The following ZFYVE19 variants were observed in gnomAD, a reference collection of about 807,000 sequenced individuals.
ZFYVE19 encodes abscission/NoCut checkpoint regulator.
Under a neutral mutation model 62.8 loss-of-function variants are expected in ZFYVE19, and 49 were observed. The observed-to-expected ratio is 0.78, with a 90% CI of 0.62 to 0.99. ZFYVE19 has a LOEUF of 0.99. Ranked by LOEUF, ZFYVE19 falls within the 50% of genes least tolerant of loss-of-function variation. ZFYVE19 has a pLI of 0.00. For missense variants in ZFYVE19, 630 were observed against 601.9 expected (o/e 1.05, Z -0.49); for synonymous variants, 242 against 234.3 (o/e 1.03, Z -0.30).
chr15:40,809,518 A>G, intron 3 of ZFYVE19, 60 bp downstream of exon 3: 6 of 1,581,170 alleles, frequency 3.8e-6, no homozygotes, highest in Non-Finnish European at 5.2e-6. Context: ...AGCCATAGGG[A>G]AAGACCCTGC....
In ZFYVE19 at chr15:40,807,139, G is replaced by C; in HGVS notation, c.-451G>C. 9.2e-7 allele frequency: 1 copy of C among 1,088,242 alleles called. No individual in the cohort carries two copies. The highest frequency in any genetic ancestry group is 1.3e-6 in the Non-Finnish European group (1 of 781,006). The allele number at this position is 1,088,242 out of a possible 1,614,324, so 67.4% of individuals were successfully genotyped here. Reference sequence around the variant, plus strand: ...CTCTAGGAGACAGGGGCCACGGGGAGAGCACAGCCACCCGGCGCGAAGAGC... The same window carrying C: ...CTCTAGGAGACAGGGGCCACGGGGACAGCACAGCCACCCGGCGCGAAGAGC... On this transcript the variant is annotated 5_prime_UTR_variant, in exon 1 of 11. Transcript: ENST00000355341.
chr15:40,812,469 C>G (rs1890517151), intron 6 of ZFYVE19, among the ~76,000 whole-genome samples: 1 of 151,050 alleles, frequency 6.6e-6, no homozygotes, highest in Non-Finnish European at 1.5e-5. Context: ...TCGCTTGAAT[C>G]CAGGAGGCAG....
rs1259014461 is a variant in ZFYVE19 at position 40,807,879 on chromosome 15, C to T, written c.279+11C>T. 3 of 1,536,484 alleles carry T rather than the reference C, an allele frequency of 2.0e-6. No individual in the cohort carries two copies. Among genetic ancestry groups the T allele is most frequent in the Non-Finnish European group, 2.6e-6 (3 of 1,149,752 alleles). On this transcript the variant is annotated intron_variant, in intron 1 of 10. Transcript: ENST00000355341. ...CTCTTCAAGAAGGAGGCGAGTCTTC[C>T]CTCCCCGAGGGCTGCAGGGCCAGGG...
At chr15:40,810,367 T>C in intron 5 of ZFYVE19, 151 bp downstream of exon 5, 2 of 1,357,232 alleles carry the variant, frequency 1.5e-6, no homozygotes, top group Non-Finnish European at 2.0e-6. Flanking sequence ...CACCAACCTT[T>C]GTACTTTATG....
chr15:40,813,579 G>A, intron 8 of ZFYVE19, 134 bp from the exon 9 acceptor site: 3 of 1,144,734 alleles, frequency 2.6e-6, no homozygotes, highest in Non-Finnish European at 2.5e-6. Flanking sequence ...TGGAGATAGG[G>A]AATCAGCAGC....
chr15:40,814,106 A>C, intron 10 of ZFYVE19, 36 bp downstream of exon 10: 1 of 1,614,196 alleles, frequency 6.2e-7, no homozygotes, highest in Non-Finnish European at 8.5e-7. Flanking sequence ...CGAGAGCTCA[A>C]GGGCTGCCTG....
In ZFYVE19 at chr15:40,807,111, G is replaced by C; in HGVS notation, c.-479G>C. The C allele has an allele frequency of 1.2e-6, 1 of 812,662 alleles. No homozygotes were observed. The highest frequency in any genetic ancestry group is 1.9e-6 in the Non-Finnish European group (1 of 533,902). 50.3% of individuals were successfully genotyped at this position (812,662 alleles called of 1,614,324 possible). A position where few individuals can be genotyped will look rare whatever the true frequency, so the allele number is the denominator to read the frequency against. ...AGCGTTCCTTGCTGCCTCGCCCCGC[G>C]GCCTCTAGGAGACAGGGGCCACGGG... On this transcript the variant is annotated 5_prime_UTR_variant, in exon 1 of 11. Transcript: ENST00000355341.
chr15:40,809,802 C>T (rs1238408282), intron 3 of ZFYVE19, 50 bp from the exon 4 acceptor site: 57 of 1,583,800 alleles, frequency 3.6e-5, no homozygotes, highest in Non-Finnish European at 4.8e-5. Flanking sequence ...TGGGTGCCTT[C>T]ACTCTTCCCC....
In ZFYVE19 at chr15:40,807,639, G is replaced by A. The variant is rs756825961; in HGVS notation, c.50G>A (p.Gly17Asp). ...CCGTTGCCGCCGCTGCCGTACGCTG[G>A]CTGCAGGAGAGCGTCCGGATTCCCT... ...QPPLPPLPYA[G>D]CRRASGFPAL... Residue 17 changes from glycine (G) to aspartate (D), a missense_variant, in exon 1 of 11, where the codon GGC becomes GAC. By Grantham distance (94) the Gly-to-Asp change is moderately conservative. Coordinates refer to ENST00000355341, the MANE Select transcript of ZFYVE19 (RefSeq NM_001077268.2). The A allele has an allele frequency of 6.2e-7, 1 of 1,613,080 alleles. No homozygotes were observed. The highest frequency in any genetic ancestry group is 2.2e-5 in the East Asian group (1 of 44,878).
chr15:40,807,297 A>G lies in ZFYVE19; in HGVS notation c.-293A>G. 1 of 1,613,164 alleles carries G rather than the reference A, an allele frequency of 6.2e-7. No individual in the cohort carries two copies. The highest frequency in any genetic ancestry group is 2.2e-5 in the East Asian group (1 of 44,870). On this transcript the variant is annotated 5_prime_UTR_variant, in exon 1 of 11. Transcript: ENST00000355341. ...ATGAACCTGGAGAGCGGATGCCAGC[A>G]GTGGCCGAGGCGCTAGGACAGGAAG... is the stretch of plus-strand genomic sequence containing the variant.
At chr15:40,808,296 C>T in intron 1 of ZFYVE19, 6 of 1,597,814 alleles carry the variant, frequency 3.8e-6, no homozygotes, top group Non-Finnish European at 5.1e-6. Flanking sequence ...TACCACACTT[C>T]CTCCTGCTTC....
chr15:40,811,720 C>A lies in ZFYVE19; in HGVS notation c.826+963C>A, dbSNP rs201956159. 1.1e-4 allele frequency among the ~76,000 whole-genome samples: 17 copies of A among 152,250 alleles called. No homozygotes were observed. In the East Asian group the frequency reaches 2.9e-3, roughly 26 times the overall value. On this transcript the variant is annotated intron_variant, in intron 6 of 10. Coordinates refer to ENST00000355341, the MANE Select transcript of ZFYVE19 (RefSeq NM_001077268.2). ...GCAAGACTCTGTTTAAAAAAAAAAT[C>A]TTATAAGGTACATACTATTCTTTTT...
rs1208682182 is a variant in ZFYVE19, at chr15:40,807,806, G to C, written c.217G>C (p.Gly73Arg). Residue 73 changes from glycine to arginine, a missense_variant, in exon 1 of 11, where the codon GGA (glycine) becomes CGA (arginine). By Grantham distance (125) the Gly-to-Arg change is moderately radical. Coordinates refer to ENST00000355341, the MANE Select transcript of ZFYVE19 (RefSeq NM_001077268.2). ...CAGCTCTGCAGACCCTGCGGTGCTG[G>C]GAGCCACCATGGAGAGTAGGTGCTA... ...DLSSADPAVL[G>R]ATMESRCYGC... 1.9e-6 allele frequency: 3 copies of C among 1,555,392 alleles called. No homozygotes were observed. Among genetic ancestry groups the C allele is most frequent in the Non-Finnish European group, 2.6e-6 (3 of 1,156,836 alleles).
chr15:40,807,294 A>G lies in ZFYVE19; in HGVS notation c.-296A>G, dbSNP rs1890268529. ...CGAATGAACCTGGAGAGCGGATGCC[A>G]GCAGTGGCCGAGGCGCTAGGACAGG... On this transcript the variant is annotated 5_prime_UTR_variant, in exon 1 of 11. Transcript: ENST00000355341. The G allele has an allele frequency of 1.2e-6, 2 of 1,612,708 alleles. No homozygotes were observed. The highest frequency in any genetic ancestry group is 1.7e-6 in the Non-Finnish European group (2 of 1,179,492).
rs984783421 is a variant in ZFYVE19, at chr15:40,807,339, A to C, written c.-251A>C. 1.2e-6 allele frequency: 2 copies of C among 1,614,110 alleles called. No individual in the cohort carries two copies. Among genetic ancestry groups the C allele is most frequent in the Admixed American group, 1.7e-5 (1 of 60,008 alleles). On this transcript the variant is annotated 5_prime_UTR_variant, in exon 1 of 11. Transcript: ENST00000355341. ...GACAGGAAGGACCGCCAGACCTCTC[A>C]AGATCAGCCTTCCTCGCCACCGTTC...
Position 40,814,637 on chromosome 15 carries a change from T to A in ZFYVE19, c.*411T>A, listed in dbSNP as rs1890613461. 4.1e-6 allele frequency: 1 copy of A among 243,034 alleles called. No homozygotes were observed. The highest frequency in any genetic ancestry group is 8.2e-6 in the Non-Finnish European group (1 of 121,410). The allele number at this position is 243,034 out of a possible 1,614,324, so 15.1% of individuals were successfully genotyped here. On this transcript the variant is annotated 3_prime_UTR_variant, in exon 11 of 11. Transcript: ENST00000355341. ...GAGAGGTGGCAGGAACAGAGCAGGCTGTAAGCACAGTTGTGGGGAATGGGG... is the reference window on the plus strand; with the variant it reads ...GAGAGGTGGCAGGAACAGAGCAGGCAGTAAGCACAGTTGTGGGGAATGGGG...
In ZFYVE19 at chr15:40,809,958, G is replaced by A; in HGVS notation, c.559G>A (p.Glu187Lys). 6.2e-7 allele frequency: 1 copy of A among 1,614,244 alleles called. No individual in the cohort carries two copies. Among genetic ancestry groups the A allele is most frequent in the Non-Finnish European group, 8.5e-7 (1 of 1,180,046 alleles). ...TGAGCGCCTAGCACGACTCCGCCAG[G>A]AGAACAAGCCCAGTGAGCAGGGGCA... ...IAERLARLRQ[E>K]NKPKLVPSQA... The change falls in exon 4 of 11, where the codon GAG (glutamate) becomes AAG (lysine). Residue 187 changes from glutamate to lysine, a missense_variant. Physicochemically the swap from Glu to Lys is moderately conservative, Grantham distance 56. Transcript: ENST00000355341.
In ZFYVE19 at chr15:40,807,306, G is replaced by A. The variant is rs1435244840; in HGVS notation, c.-284G>A. 3.7e-6 allele frequency: 6 copies of A among 1,613,718 alleles called. No individual in the cohort carries two copies. The highest frequency in any genetic ancestry group is 5.1e-6 in the Non-Finnish European group (6 of 1,179,902). On this transcript the variant is annotated 5_prime_UTR_variant, in exon 1 of 11. Transcript: ENST00000355341. ...GAGAGCGGATGCCAGCAGTGGCCGA[G>A]GCGCTAGGACAGGAAGGACCGCCAG...
chr15:40,807,315 A>G lies in ZFYVE19; in HGVS notation c.-275A>G. ...TGCCAGCAGTGGCCGAGGCGCTAGGACAGGAAGGACCGCCAGACCTCTCAA... is the reference window on the plus strand; with the variant it reads ...TGCCAGCAGTGGCCGAGGCGCTAGGGCAGGAAGGACCGCCAGACCTCTCAA... On this transcript the variant is annotated 5_prime_UTR_variant, in exon 1 of 11. Coordinates refer to ENST00000355341, the MANE Select transcript of ZFYVE19 (RefSeq NM_001077268.2). 6.2e-7 allele frequency: 1 copy of G among 1,614,120 alleles called. No homozygotes were observed. The highest frequency in any genetic ancestry group is 8.5e-7 in the Non-Finnish European group (1 of 1,179,998).
Sources: allele counts gnomAD v4.1 joint callset (sites outside exome capture counted in the v4.1 genomes callset), GRCh38; gene constraint gnomAD v4.1.1; transcripts MANE v1.5; gene names NCBI Gene and HGNC (gene_info 2026-07-23, HGNC 2026-07-21).